CNTN3: variants seen among roughly 807,000 people sequenced by gnomAD.
CNTN3 encodes the protein contactin 3.
In CNTN3, 60 loss-of-function variants were observed where a neutral mutation model predicts 119.1. That is an observed-to-expected ratio of 0.50 (90% CI 0.41 to 0.62). The LOEUF is 0.62. Among genes scored for constraint, CNTN3 ranks in the 20% least tolerant of loss-of-function variants. The pLI is 0.00. For synonymous variants in CNTN3, 450 were observed against 438.7 expected, an observed-to-expected ratio of 1.03 and a Z score of -0.32; for missense variants, 1,101 against 1,242.4, an observed-to-expected ratio of 0.89 and a Z score of 1.71.
intron 1 of CNTN3, among the ~76,000 whole-genome samples, chr3:74,611,933 T>C (rs775612888): frequency 5.9e-5 from 9 of 152,212 alleles, no homozygotes; most frequent in Non-Finnish European, 1.3e-4. Flanking sequence ...TATATTCCAC[T>C]ACATAAAATT....
At chr3:74,496,190 C>G (rs1450253990) in intron 3 of CNTN3, among the ~76,000 whole-genome samples, 1 of 152,120 alleles carries the variant, frequency 6.6e-6, no homozygotes, top group African/African-American at 2.4e-5. Context: ...AAGTTGGAAA[C>G]ACAAGGCCCA....
intron 5 of CNTN3, among the ~76,000 whole-genome samples, chr3:74,414,694 T>C (rs1051664907): frequency 9.9e-5 from 15 of 152,154 alleles, no homozygotes; most frequent in Admixed American, 5.9e-4. Context: ...TTTATCTGTG[T>C]AAGAAATATC....
At chr3:74,499,128 T>C (rs77856509) in intron 3 of CNTN3, among the ~76,000 whole-genome samples, 2,699 of 151,920 alleles carry the variant, frequency 0.018, 87 homozygotes, top group African/African-American at 0.062. Context: ...CAATTGTTTA[T>C]ATAATCTTAA....
At chr3:74,517,952 T>A (rs961082670) in intron 2 of CNTN3, among the ~76,000 whole-genome samples, 1 of 152,000 alleles carries the variant, frequency 6.6e-6, no homozygotes. Context: ...TTTTATGTGA[T>A]GAGTACTTTA....
At chr3:74,488,880 T>C (rs113541768) in intron 3 of CNTN3, among the ~76,000 whole-genome samples, 1,606 of 152,280 alleles carry the variant, frequency 0.011, 39 homozygotes, top group African/African-American at 0.037. Flanking sequence ...TGGTTTTTGT[T>C]TGGTTTATTT....
chr3:74,435,898 CTCTCCTCCCATCCAA>C (rs1225430111), intron 4 of CNTN3, among the ~76,000 whole-genome samples: 1 of 152,118 alleles, frequency 6.6e-6, no homozygotes, highest in Non-Finnish European at 1.5e-5. Context: ...CCTGCAGCCT[CTCTCCTCCCATCCAA>C]TCCATCTATC....
chr3:74,448,391 A>C (rs1702086631), intron 4 of CNTN3, among the ~76,000 whole-genome samples: 1 of 152,196 alleles, frequency 6.6e-6, no homozygotes, highest in Non-Finnish European at 1.5e-5. Context: ...AAAAGAGACT[A>C]TGATGATGTA....
intron 1 of CNTN3, among the ~76,000 whole-genome samples, chr3:74,547,465 G>A (rs114413122): frequency 0.019 from 2,871 of 152,150 alleles, 110 homozygotes; most frequent in African/African-American, 0.066. Context: ...AGTTATAATA[G>A]AAAAAACATT....
chr3:74,521,006 G>T, intron 2 of CNTN3, 52 bp downstream of exon 2: 3 of 1,033,270 alleles, frequency 2.9e-6, no homozygotes, highest in South Asian at 1.7e-5. Flanking sequence ...GTAAGCATAT[G>T]ACTCGAGTAT....
chr3:74,408,710 T>C (rs993362412), intron 5 of CNTN3, among the ~76,000 whole-genome samples: 10 of 152,122 alleles, frequency 6.6e-5, no homozygotes, highest in African/African-American at 1.7e-4. Flanking sequence ...GAATCTTCTA[T>C]GCAGCTTTGT....
chr3:74,486,215 C>T (rs1215584818), intron 4 of CNTN3, among the ~76,000 whole-genome samples: 1 of 151,714 alleles, frequency 6.6e-6, no homozygotes, highest in Non-Finnish European at 1.5e-5. Context: ...CACACACACA[C>T]ACACACACCC....
intron 13 of CNTN3, among the ~76,000 whole-genome samples, chr3:74,320,038 G>C (rs1702946211): frequency 6.6e-6 from 1 of 152,152 alleles, no homozygotes; most frequent in African/African-American, 2.4e-5. Flanking sequence ...GAGACGATGT[G>C]GAGAAATAGG....
chr3:74,415,242 G>A (rs181432162), intron 5 of CNTN3, among the ~76,000 whole-genome samples: 63 of 152,252 alleles, frequency 4.1e-4, no homozygotes, highest in African/African-American at 1.4e-3. Context: ...AGGCGGAAGT[G>A]TGAAGCCATG....
At chr3:74,536,460 T>C (rs1222156848) in intron 1 of CNTN3, among the ~76,000 whole-genome samples, 1 of 152,110 alleles carries the variant, frequency 6.6e-6, no homozygotes, top group African/African-American at 2.4e-5. Flanking sequence ...GTAATCAATG[T>C]GGTTTCATTT....
In CNTN3 at chr3:74,418,342, C is replaced by CTTTTT. The variant is rs56258495; in HGVS notation, c.454+6498_454+6502dup. ...CATGTCCACTGCAGAAAACATATTCCTTTTTTTTTTTTTTTTTGAGTCAGA... is the reference window on the plus strand; with the variant it reads ...CATGTCCACTGCAGAAAACATATTCCTTTTTTTTTTTTTTTTTTTTTTGAGTCAGA... On this transcript the variant is annotated intron_variant, in intron 5 of 22. Coordinates refer to ENST00000263665, the MANE Select transcript of CNTN3 (RefSeq NM_020872.3). Among the ~76,000 whole-genome samples, 123 of 99,640 alleles carry CTTTTT rather than the reference C, an allele frequency of 1.2e-3. 3 individuals carry two copies. The highest frequency in any genetic ancestry group is 4.5e-3 in the African/African-American group (114 of 25,494). The allele number at this position is 99,640 out of a possible 152,430, so 65.4% of individuals were successfully genotyped here.
chr3:74,379,496 A>G (rs1222785304), intron 5 of CNTN3, among the ~76,000 whole-genome samples: 1 of 152,166 alleles, frequency 6.6e-6, no homozygotes, highest in African/African-American at 2.4e-5. Flanking sequence ...CTATTGATAT[A>G]GCAATGTCCT....
intron 8 of CNTN3, 90 bp downstream of exon 8, chr3:74,369,099 G>A: frequency 1.1e-6 from 1 of 930,790 alleles, no homozygotes; most frequent in Admixed American, 3.6e-5. Context: ...TTGGGATTCT[G>A]CTATAATCTC....
chr3:74,362,918 T>C (rs1704108866), intron 10 of CNTN3, among the ~76,000 whole-genome samples: 1 of 152,220 alleles, frequency 6.6e-6, no homozygotes, highest in South Asian at 2.1e-4. Context: ...CCAGAGGTTG[T>C]TGGCCTTAAA....
chr3:74,524,626 C>A (rs753112484), intron 1 of CNTN3, among the ~76,000 whole-genome samples: 1 of 151,768 alleles, frequency 6.6e-6, no homozygotes, highest in South Asian at 2.1e-4. Context: ...TATTAGGTGG[C>A]AGATAGGCTT....
Sources: allele counts gnomAD v4.1 joint callset (sites outside exome capture counted in the v4.1 genomes callset), GRCh38; gene constraint gnomAD v4.1.1; transcripts MANE v1.5; gene names NCBI Gene and HGNC (gene_info 2026-07-23, HGNC 2026-07-21).